The following ARMH3 variants were observed in gnomAD, a reference collection of about 807,000 sequenced individuals.
ARMH3 encodes the protein armadillo like helical domain containing 3.
In ARMH3, 60 loss-of-function variants were observed where a neutral mutation model predicts 99.1. The observed-to-expected ratio is 0.61, with a 90% CI of 0.49 to 0.75. ARMH3 has a LOEUF of 0.75. Ranked by LOEUF, ARMH3 falls within the 30% of genes least tolerant of loss-of-function variation. The pLI, the probability that ARMH3 is intolerant of heterozygous loss-of-function variation, is 0.00. For synonymous variants in ARMH3, 285 were observed against 292.8 expected, an observed-to-expected ratio of 0.97 and a Z score of 0.27; for missense variants, 679 against 843.1, an observed-to-expected ratio of 0.81 and a Z score of 2.41.
chr10:101,911,836 G>T (rs1349534166), intron 23 of ARMH3, among the ~76,000 whole-genome samples: 1 of 152,056 alleles, frequency 6.6e-6, no homozygotes, highest in Non-Finnish European at 1.5e-5. Flanking sequence ...AGGAGTTCTA[G>T]ACCAGCCTGG....
chr10:101,966,558 C>T (rs1002940250), intron 20 of ARMH3, among the ~76,000 whole-genome samples: 1 of 151,962 alleles, frequency 6.6e-6, no homozygotes, highest in African/African-American at 2.4e-5. Context: ...CCAGCCCACC[C>T]TAATTTTCAA....
Position 101,935,173 on chromosome 10 carries a change from CAA to C in ARMH3, c.1781+4688_1781+4689del, listed in dbSNP as rs1491463695. On this transcript the variant is annotated intron_variant, in intron 23 of 25. Transcript: ENST00000370033. ...AAGAAGCGGAATCTCAAAGGTGGAG[CAA>C]TATATATATATATATATATATATAC... Among the ~76,000 whole-genome samples the C allele has an allele frequency of 3.5e-4, 24 of 67,884 alleles. 1 individual carries two copies. The highest frequency in any genetic ancestry group is 1.9e-3 in the African/African-American group (21 of 11,258). 44.5% of individuals were successfully genotyped at this position (67,884 alleles called of 152,430 possible). A position where few individuals can be genotyped will look rare whatever the true frequency, so the allele number is the denominator to read the frequency against.
At position 101,849,386 on chromosome 10, in the gene ARMH3, T is replaced by C. The variant is rs373979358; in HGVS notation, c.1977+390A>G. ...AGGGAATGGAGACTGGAGAACTAGA[T>C]TGGGAGGGGACTCAGACCAGCGGCC... On this transcript the variant is annotated intron_variant, in intron 25 of 25. Transcript: ENST00000370033. 3.3e-5 allele frequency among the ~76,000 whole-genome samples: 5 copies of C among 152,160 alleles called. No homozygotes were observed. In the East Asian group the frequency reaches 5.8e-4, roughly 18 times the overall value.
intron 23 of ARMH3, among the ~76,000 whole-genome samples, chr10:101,915,598 G>A (rs974810639): frequency 6.6e-6 from 1 of 152,112 alleles, no homozygotes; most frequent in Admixed American, 6.5e-5. Context: ...TGGCAGAAAG[G>A]GAGGAAGGAG....
chr10:101,952,805 T>C (rs1844850498), intron 22 of ARMH3: 1 of 152,238 alleles, frequency 6.6e-6, no homozygotes, highest in Non-Finnish European at 1.5e-5. Flanking sequence ...ACTGAAACTC[T>C]ACACACATTA....
chr10:102,032,438 T>G (rs2067152520), intron 4 of ARMH3, among the ~76,000 whole-genome samples: 1 of 152,230 alleles, frequency 6.6e-6, no homozygotes, highest in African/African-American at 2.4e-5. Flanking sequence ...TCTCGCTCTG[T>G]TGCCCAGGCT....
chr10:101,976,254 C>T (rs1445752323), intron 19 of ARMH3, among the ~76,000 whole-genome samples: 2 of 149,012 alleles, frequency 1.3e-5, no homozygotes, highest in African/African-American at 4.9e-5. Flanking sequence ...GCAGGAGAAT[C>T]GCTTGAACCT....
At chr10:101,918,767 T>C (rs1365537918) in intron 23 of ARMH3, among the ~76,000 whole-genome samples, 1 of 152,174 alleles carries the variant, frequency 6.6e-6, no homozygotes, top group East Asian at 1.9e-4. Flanking sequence ...GGAAGTCACA[T>C]TTATCATTTG....
chr10:101,993,344 CTTGA>C (rs745843873), intron 17 of ARMH3, among the ~76,000 whole-genome samples, 190 bp downstream of exon 17: 2 of 151,428 alleles, frequency 1.3e-5, no homozygotes, highest in African/African-American at 2.4e-5. Flanking sequence ...TTCCAAAACT[CTTGA>C]TTAAGAAACA....
chr10:102,019,410 A>C (rs1049015259), intron 8 of ARMH3, among the ~76,000 whole-genome samples: 1 of 152,004 alleles, frequency 6.6e-6, no homozygotes, highest in Non-Finnish European at 1.5e-5. Flanking sequence ...AAAAAAAAAA[A>C]GTTAACTGTA....
chr10:102,029,360 GTTC>G, intron 5 of ARMH3: 2 of 1,175,484 alleles, frequency 1.7e-6, no homozygotes, highest in East Asian at 5.1e-5. Flanking sequence ...ATTCATAAAT[GTTC>G]TTAAGAATGT....
chr10:101,857,577 T>G (rs1235934645), intron 24 of ARMH3, among the ~76,000 whole-genome samples: 1 of 152,194 alleles, frequency 6.6e-6, no homozygotes, highest in Non-Finnish European at 1.5e-5. Flanking sequence ...AATCTCCCTC[T>G]CATCATCCTG....
intron 20 of ARMH3, among the ~76,000 whole-genome samples, chr10:101,968,279 C>A (rs537305913): frequency 1.1e-3 from 175 of 152,248 alleles, no homozygotes; most frequent in Non-Finnish European, 1.6e-3. Flanking sequence ...TCCTTTCCCC[C>A]CACCGTTTCC....
chr10:101,872,063 A>G (rs1240273028), intron 24 of ARMH3, among the ~76,000 whole-genome samples: 1 of 152,120 alleles, frequency 6.6e-6, no homozygotes, highest in African/African-American at 2.4e-5. Context: ...GATTTATTAA[A>G]TAAAACACAA....
intron 20 of ARMH3, among the ~76,000 whole-genome samples, chr10:101,965,303 C>T (rs2135862976): frequency 6.6e-6 from 1 of 152,320 alleles, no homozygotes; most frequent in South Asian, 2.1e-4. Flanking sequence ...GGCTGACATT[C>T]ACGTCAAAGT....
At chr10:101,979,787 C>G (rs1289291789) in intron 19 of ARMH3, among the ~76,000 whole-genome samples, 1 of 152,100 alleles carries the variant, frequency 6.6e-6, no homozygotes, top group Non-Finnish European at 1.5e-5. Flanking sequence ...ACTTTAATAG[C>G]CTATGTTAGG....
At chr10:102,010,394 C>G (rs1216813614) in intron 11 of ARMH3, among the ~76,000 whole-genome samples, 3 of 152,198 alleles carry the variant, frequency 2.0e-5, no homozygotes, top group African/African-American at 7.2e-5. Flanking sequence ...CTAGAAGTTG[C>G]TTATTTGAAG....
chr10:101,973,689 C>G (rs1037364258), intron 20 of ARMH3, among the ~76,000 whole-genome samples: 7 of 151,718 alleles, frequency 4.6e-5, no homozygotes, highest in Admixed American at 4.6e-4. Flanking sequence ...TCACAGAGGC[C>G]AGAGATAGAA....
At chr10:102,039,264 C>A (rs1438018400) in intron 2 of ARMH3, among the ~76,000 whole-genome samples, 1 of 152,044 alleles carries the variant, frequency 6.6e-6, no homozygotes, top group Non-Finnish European at 1.5e-5. Context: ...TGTGCCTCAG[C>A]CTCCCGAATA....
Sources: gnomAD v4.1 joint callset for allele counts (sites outside exome capture counted in the v4.1 genomes callset) on GRCh38, gnomAD v4.1.1 for gene constraint, MANE v1.5 for transcripts, NCBI Gene and HGNC (gene_info 2026-07-23, HGNC 2026-07-21) for gene names.